Variants in MEIS1 observed in about 807,000 individuals in gnomAD.
The protein encoded by MEIS1 is Meis homeobox 1.
In MEIS1, 5 loss-of-function variants were observed where a neutral mutation model predicts 50.8. The ratio of observed to expected loss-of-function variants is 0.10; its 90% CI spans 0.05 to 0.21. MEIS1 has a LOEUF of 0.21. Among genes scored for constraint, MEIS1 ranks in the 10% least tolerant of loss-of-function variants. The probability of loss-of-function intolerance (pLI) is 1.00; values close to 1 mark genes in which losing one functional copy is unlikely to be tolerated. For missense variants in MEIS1, 318 were observed against 517.3 expected (o/e 0.61, Z 3.74); for synonymous variants, 176 against 179.3 (o/e 0.98, Z 0.15).
intron 7 of MEIS1, among the ~76,000 whole-genome samples, chr2:66,483,746 G>T (rs1267284333): frequency 6.6e-6 from 1 of 152,190 alleles, no homozygotes; most frequent in African/African-American, 2.4e-5. Context: ...GTGAGAAAAT[G>T]AAGTTTGTGG....
chr2:66,482,121 A>T (rs891049492), intron 7 of MEIS1, among the ~76,000 whole-genome samples: 4 of 152,110 alleles, frequency 2.6e-5, no homozygotes, highest in Admixed American at 2.6e-4. Context: ...CGGCCTCCCA[A>T]AGTGGTGGGA....
chr2:66,507,048 A>G (rs1673699810), intron 7 of MEIS1, among the ~76,000 whole-genome samples: 1 of 152,186 alleles, frequency 6.6e-6, no homozygotes, highest in Non-Finnish European at 1.5e-5. Context: ...CAAGAGAAAA[A>G]AGAAACCTTC....
intron 6 of MEIS1, chr2:66,443,828 G>A: frequency 6.6e-6 from 1 of 152,656 alleles, no homozygotes. Flanking sequence ...GGGGGACCTC[G>A]CACCGCCTTT....
chr2:66,506,898 C>A (rs1673696450), intron 7 of MEIS1, among the ~76,000 whole-genome samples: 1 of 152,136 alleles, frequency 6.6e-6, no homozygotes, highest in Admixed American at 6.6e-5. Context: ...CCCAGAGAGG[C>A]CACTGTAAAG....
chr2:66,466,793 A>G (rs921464869), intron 7 of MEIS1, among the ~76,000 whole-genome samples: 3 of 152,198 alleles, frequency 2.0e-5, no homozygotes, highest in East Asian at 1.9e-4. Flanking sequence ...AAATAACTCA[A>G]TCTGTCAAGA....
At position 66,486,419 on chromosome 2, in the gene MEIS1, G is replaced by A. The variant is rs574765405; in HGVS notation, c.742+22199G>A. Among the ~76,000 whole-genome samples, 6 of 152,214 alleles carry A rather than the reference G, an allele frequency of 3.9e-5. No individual in the cohort carries two copies. The South Asian group carries it at 1.2e-3, about 32-fold the overall frequency. ...GATCAGATGGTTGTAGAGGTGTGGT[G>A]TTATTTCTGAGGCCTCTGTTCTGTT... On this transcript the variant is annotated intron_variant, in intron 7 of 12. Transcript: ENST00000272369.
In MEIS1 at chr2:66,547,954, T is replaced by A; in HGVS notation, c.900T>A (p.Pro300=). Residue 300 remains proline, a synonymous_variant, in exon 9 of 13, where the codon CCT becomes CCA. Coordinates refer to ENST00000272369, the MANE Select transcript of MEIS1 (RefSeq NM_002398.3). ...WLFQHLTHPY[P]SEEQKKQLAQ... ...TTATTCTCTTTCAGCACCCTTACCC[T>A]TCTGAAGAACAGAAAAAGCAGTTGG... 1 of 1,613,066 alleles carries A rather than the reference T, an allele frequency of 6.2e-7. No individual in the cohort carries two copies. The highest frequency in any genetic ancestry group is 1.1e-5 in the South Asian group (1 of 91,036).
chr2:66,450,291 C>T (rs1672247984), intron 6 of MEIS1, among the ~76,000 whole-genome samples: 1 of 152,030 alleles, frequency 6.6e-6, no homozygotes, highest in Admixed American at 6.6e-5. Flanking sequence ...AGTAAACAAC[C>T]TTGAGTGTGT....
chr2:66,495,080 CTTTTTTTTTTTT>C (rs70943701), intron 7 of MEIS1, among the ~76,000 whole-genome samples: 4 of 91,492 alleles, frequency 4.4e-5, no homozygotes, highest in Admixed American at 2.7e-4. Context: ...CTCTTCTGAC[CTTTTTTTTTTTT>C]TTTTTTTTTT....
intron 8 of MEIS1, among the ~76,000 whole-genome samples, chr2:66,539,779 G>A (rs1674607102): frequency 6.6e-6 from 1 of 152,132 alleles, no homozygotes; most frequent in African/African-American, 2.4e-5. Context: ...ATGCTGGAAG[G>A]AGAACATGGG....
rs778204771 is a variant in MEIS1 at position 66,437,793 on chromosome 2, G to C, written c.69G>C (p.Met23Ile). The C allele has an allele frequency of 6.2e-7, 1 of 1,613,958 alleles. No homozygotes were observed. Among genetic ancestry groups the C allele is most frequent in the Non-Finnish European group, 8.5e-7 (1 of 1,179,896 alleles). Residue 23 changes from methionine to isoleucine, a missense_variant, in exon 2 of 13, where the codon ATG becomes ATC. Transcript: ENST00000272369. ...GMDGVGIPST[M>I]YGDPHAARSM... ...ATGGAGTAGGCATCCCCTCCACGAT[G>C]TATGGGGACCCGCATGCAGCCAGGT...
At chr2:66,510,260 G>A (rs1673793489) in intron 7 of MEIS1, among the ~76,000 whole-genome samples, 2 of 152,150 alleles carry the variant, frequency 1.3e-5, no homozygotes, top group Admixed American at 6.5e-5. Flanking sequence ...AAATCCAAGG[G>A]GACTTCTCAT....
At chr2:66,442,243 AT>A (rs1357033127) in intron 5 of MEIS1, among the ~76,000 whole-genome samples, 1 of 146,810 alleles carries the variant, frequency 6.8e-6, no homozygotes, top group Non-Finnish European at 1.5e-5. Context: ...ACACTTAAAT[AT>A]TTTGAGGCAT....
chr2:66,443,040 A>G lies in MEIS1; in HGVS notation c.622A>G (p.Thr208Ala), dbSNP rs554620476. The change falls in exon 6 of 13, where the codon ACT becomes GCT. Residue 208 changes from threonine (T) to alanine (A), a missense_variant. Thr to Ala is a moderately conservative substitution (Grantham distance 58). This residue lies in a region of MEIS1 where 48 missense variants were observed against 50.9 expected (regional missense o/e 0.94). Coordinates refer to ENST00000272369, the MANE Select transcript of MEIS1 (RefSeq NM_002398.3). ...SEDITRSANL[T>A]DQPSWNRDHD... ...AGATATAACAAGATCAGCAAATCTA[A>G]CTGACCAGGTATGCGCTTTTCAATT... 1 of 1,597,712 alleles carries G rather than the reference A, an allele frequency of 6.3e-7. No individual in the cohort carries two copies. Among genetic ancestry groups the G allele is most frequent in the South Asian group, 1.2e-5 (1 of 86,364 alleles).
At chr2:66,475,133 T>TAC (rs902910514) in intron 7 of MEIS1, among the ~76,000 whole-genome samples, 1 of 124,488 alleles carries the variant, frequency 8.0e-6, no homozygotes, top group Admixed American at 7.6e-5. Context: ...CATATATATA[T>TAC]ACACATATAT....
At chr2:66,497,976 G>T (rs1439444731) in intron 7 of MEIS1, among the ~76,000 whole-genome samples, 2 of 151,730 alleles carry the variant, frequency 1.3e-5, no homozygotes, top group African/African-American at 2.4e-5. Flanking sequence ...ACTTTACAAG[G>T]CTTTTTTTGG....
chr2:66,470,846 G>A (rs1672745975), intron 7 of MEIS1, among the ~76,000 whole-genome samples: 1 of 152,168 alleles, frequency 6.6e-6, no homozygotes, highest in Non-Finnish European at 1.5e-5. Flanking sequence ...TATTTTTACT[G>A]TAATATGGTA....
At chr2:66,504,382 C>T (rs954870320) in intron 7 of MEIS1, among the ~76,000 whole-genome samples, 2 of 152,040 alleles carry the variant, frequency 1.3e-5, no homozygotes, top group Non-Finnish European at 2.9e-5. Context: ...TACAGGTGTG[C>T]ATCACTGCGC....
intron 6 of MEIS1, among the ~76,000 whole-genome samples, chr2:66,460,248 A>G (rs1208687100): frequency 2.6e-5 from 4 of 152,142 alleles, no homozygotes; most frequent in African/African-American, 9.7e-5. Flanking sequence ...TGAGCTAGGA[A>G]AGGAGAAGAC....
Sources: allele counts gnomAD v4.1 joint callset (sites outside exome capture counted in the v4.1 genomes callset), GRCh38; gene constraint gnomAD v4.1.1; regional missense constraint gnomAD v4.1.1; transcripts MANE v1.5; gene names NCBI Gene and HGNC (gene_info 2026-07-23, HGNC 2026-07-21).